The following PRLR variants were observed in gnomAD, a reference collection of about 807,000 sequenced individuals.
PRLR encodes hPRL receptor.
PRLR carries 13 observed loss-of-function variants against 40.2 expected under a neutral mutation model. That is an observed-to-expected ratio of 0.32 (90% CI 0.21 to 0.51). The LOEUF is 0.51. Among genes scored for constraint, PRLR ranks in the 20% least tolerant of loss-of-function variants. The pLI is 0.97. For synonymous variants in PRLR, 269 were observed against 278.7 expected, an observed-to-expected ratio of 0.97 and a Z score of 0.35; for missense variants, 656 against 747.3, an observed-to-expected ratio of 0.88 and a Z score of 1.42.
At chr5:35,197,322 C>A (rs1266569726) in intron 1 of PRLR, among the ~76,000 whole-genome samples, 1 of 152,108 alleles carries the variant, frequency 6.6e-6, no homozygotes, top group Non-Finnish European at 1.5e-5. Context: ...AAACTATGAT[C>A]GTTTTCTGTT....
Position 35,060,379 on chromosome 5 carries a change from ATC to A in PRLR, c.*4708_*4709del, listed in dbSNP as rs1168470077. The A allele has an allele frequency of 5.3e-5, 8 of 152,188 alleles. No individual in the cohort carries two copies. The highest frequency in any genetic ancestry group is 5.2e-4 in the Admixed American group (8 of 15,274). The allele number at this position is 152,188 out of a possible 1,614,324, so 9.4% of individuals were successfully genotyped here. A position where few individuals can be genotyped will look rare whatever the true frequency, so the allele number is the denominator to read the frequency against. On this transcript the variant is annotated 3_prime_UTR_variant, in exon 10 of 10. Coordinates refer to ENST00000618457, the MANE Select transcript of PRLR (RefSeq NM_000949.7). Reference sequence around the variant, plus strand: ...AAATCAATCTGAGTTGGAGGAACAGATCTCTGTTTTTCTCTGAAGCGTTGTCA... The same window carrying A: ...AAATCAATCTGAGTTGGAGGAACAGATCTGTTTTTCTCTGAAGCGTTGTCA...
intron 1 of PRLR, among the ~76,000 whole-genome samples, chr5:35,138,581 T>C (rs938491532): frequency 2.0e-5 from 3 of 152,232 alleles, no homozygotes; most frequent in Non-Finnish European, 4.4e-5. Context: ...GATTCAACTG[T>C]GTGATTGAGA....
intron 1 of PRLR, among the ~76,000 whole-genome samples, chr5:35,180,064 C>T (rs149484211): frequency 6.6e-5 from 10 of 152,274 alleles, no homozygotes; most frequent in African/African-American, 2.2e-4. Flanking sequence ...GACCGATCAC[C>T]ACGCATTATA....
chr5:35,164,918 T>G (rs1774777358), intron 1 of PRLR, among the ~76,000 whole-genome samples: 1 of 152,094 alleles, frequency 6.6e-6, no homozygotes, highest in Non-Finnish European at 1.5e-5. Flanking sequence ...TGAAAGAGAG[T>G]AATCAAAGAT....
At chr5:35,206,959 A>T (rs1473257319) in intron 1 of PRLR, among the ~76,000 whole-genome samples, 3 of 152,166 alleles carry the variant, frequency 2.0e-5, no homozygotes, top group Non-Finnish European at 4.4e-5. Flanking sequence ...AACTCAGTTG[A>T]ACTCATCTCT....
chr5:35,069,696 AG>A (rs1769617597), intron 7 of PRLR, among the ~76,000 whole-genome samples: 2 of 152,232 alleles, frequency 1.3e-5, no homozygotes, highest in Admixed American at 6.5e-5. Flanking sequence ...GCTTTGCTGG[AG>A]CTGTCTATCT....
chr5:35,107,778 G>A (rs1772366374), intron 2 of PRLR, among the ~76,000 whole-genome samples: 1 of 152,116 alleles, frequency 6.6e-6, no homozygotes, highest in Non-Finnish European at 1.5e-5. Flanking sequence ...CGGATTCACA[G>A]CCGAGTCTAC....
At chr5:35,176,884 C>T (rs1054235516) in intron 1 of PRLR, among the ~76,000 whole-genome samples, 7 of 152,228 alleles carry the variant, frequency 4.6e-5, no homozygotes, top group Non-Finnish European at 1.5e-5. Context: ...GCATCTGTCT[C>T]CTGCCTGTCC....
intron 1 of PRLR, among the ~76,000 whole-genome samples, chr5:35,170,454 A>T (rs1218091213): frequency 6.6e-6 from 1 of 152,224 alleles, no homozygotes; most frequent in Admixed American, 6.5e-5. Flanking sequence ...CAGGAGTTTT[A>T]GACCAGCCTG....
intron 1 of PRLR, among the ~76,000 whole-genome samples, chr5:35,151,617 G>A (rs1774343088): frequency 6.6e-6 from 1 of 151,928 alleles, no homozygotes; most frequent in Non-Finnish European, 1.5e-5. Context: ...AGCATCCATT[G>A]TCTTGGAATT....
intron 1 of PRLR, among the ~76,000 whole-genome samples, chr5:35,179,312 A>G (rs1199094843): frequency 6.6e-6 from 1 of 152,206 alleles, no homozygotes; most frequent in Non-Finnish European, 1.5e-5. Flanking sequence ...TCATCTGTTC[A>G]TCCCATCATT....
downstream of PRLR, among the ~76,000 whole-genome samples, chr5:35,053,817 A>G (rs945395767): frequency 6.6e-6 from 1 of 152,208 alleles, no homozygotes; most frequent in Admixed American, 6.5e-5. Context: ...GAAAATTCAT[A>G]TGATGAGTAA....
intron 5 of PRLR, among the ~76,000 whole-genome samples, chr5:35,080,813 T>C (rs1352193100): frequency 6.6e-6 from 1 of 152,014 alleles, no homozygotes; most frequent in Non-Finnish European, 1.5e-5. Flanking sequence ...AATGATGGAC[T>C]GGATTAAGAA....
chr5:35,196,795 G>C (rs371042036), intron 1 of PRLR, among the ~76,000 whole-genome samples: 4 of 152,306 alleles, frequency 2.6e-5, no homozygotes, highest in East Asian at 1.9e-4. Flanking sequence ...TGCTTTAGAC[G>C]GAGTGGCTTA....
chr5:35,121,538 C>A (rs1773291710), intron 1 of PRLR, among the ~76,000 whole-genome samples: 1 of 152,140 alleles, frequency 6.6e-6, no homozygotes, highest in Non-Finnish European at 1.5e-5. Context: ...ATCATCACTA[C>A]CAGCCATATT....
At position 35,201,404 on chromosome 5, in the gene PRLR, G is replaced by C. The variant is rs565123333; in HGVS notation, c.-106+28864C>G. On this transcript the variant is annotated intron_variant, in intron 1 of 9. Coordinates refer to ENST00000618457, the MANE Select transcript of PRLR (RefSeq NM_000949.7). ...AAGGAAAATGATATTTTACCCCTTT[G>C]GTAAGTGTAAAGTAAGAAGACAGCC... 1.6e-4 allele frequency among the ~76,000 whole-genome samples: 25 copies of C among 152,278 alleles called. No individual in the cohort carries two copies. The South Asian group carries it at 2.9e-3, about 18-fold the overall frequency.
chr5:35,120,166 C>T (rs1773238441), intron 1 of PRLR, among the ~76,000 whole-genome samples: 1 of 152,094 alleles, frequency 6.6e-6, no homozygotes. Flanking sequence ...CGATTTCCCT[C>T]CCTCCCTGAC....
chr5:35,164,266 AG>A (rs1324574778), intron 1 of PRLR, among the ~76,000 whole-genome samples: 5 of 152,322 alleles, frequency 3.3e-5, no homozygotes, highest in African/African-American at 1.2e-4. Context: ...AATCTAGTGG[AG>A]GACACAGGCA....
intron 1 of PRLR, among the ~76,000 whole-genome samples, chr5:35,220,177 A>T (rs1008181595): frequency 6.6e-6 from 1 of 152,152 alleles, no homozygotes; most frequent in Non-Finnish European, 1.5e-5. Flanking sequence ...AAACCTCCCA[A>T]TGAGTTAGGA....
Sources: allele counts gnomAD v4.1 joint callset (sites outside exome capture counted in the v4.1 genomes callset), GRCh38; gene constraint gnomAD v4.1.1; transcripts MANE v1.5; gene names NCBI Gene and HGNC (gene_info 2026-07-23, HGNC 2026-07-21).